Variants in COG5 observed in about 807,000 individuals in gnomAD.
The protein encoded by COG5 is component of oligomeric golgi complex 5.
COG5 carries 86 observed loss-of-function variants against 110.4 expected under a neutral mutation model. The ratio of observed to expected loss-of-function variants is 0.78; its 90% CI spans 0.65 to 0.93. The LOEUF is 0.93. Ranked by LOEUF, COG5 falls within the 40% of genes least tolerant of loss-of-function variation. The pLI is 0.00. For synonymous variants in COG5, 360 were observed against 334.6 expected (o/e 1.08, Z -0.83); for missense variants, 1,077 against 987.0 (o/e 1.09, Z -1.22).
chr7:107,557,630 G>A (rs1803418454), intron 2 of COG5, among the ~76,000 whole-genome samples: 1 of 152,148 alleles, frequency 6.6e-6, no homozygotes. Flanking sequence ...AATTGCGAAT[G>A]TAACATCCCA....
intron 19 of COG5, among the ~76,000 whole-genome samples, chr7:107,226,053 A>C (rs79902674): frequency 0.2 from 30,507 of 152,002 alleles, 3,395 homozygotes; most frequent in East Asian, 0.31. Flanking sequence ...CACACACACA[A>C]AAAAACAATA....
chr7:107,490,071 A>C (rs989927032), intron 6 of COG5, among the ~76,000 whole-genome samples: 1 of 152,182 alleles, frequency 6.6e-6, no homozygotes, highest in Non-Finnish European at 1.5e-5. Context: ...TATATGATGT[A>C]GTTATTTTTT....
intron 21 of COG5, chr7:107,209,758 C>G (rs1474734361): frequency 4.3e-6 from 4 of 938,850 alleles, no homozygotes; most frequent in Non-Finnish European, 5.1e-6. Context: ...CAGGGCCTAC[C>G]ATGCTGATAA....
chr7:107,358,662 C>T (rs945366671), intron 10 of COG5, among the ~76,000 whole-genome samples: 2 of 152,144 alleles, frequency 1.3e-5, no homozygotes, highest in African/African-American at 4.8e-5. Flanking sequence ...CTGTGACAAA[C>T]AATATGGTTT....
intron 6 of COG5, among the ~76,000 whole-genome samples, chr7:107,498,715 C>T (rs1798434671): frequency 6.6e-6 from 1 of 152,022 alleles, no homozygotes; most frequent in Admixed American, 6.6e-5. Context: ...ATTGTACAAC[C>T]CCTATAGAAA....
At chr7:107,443,400 G>C (rs1334106039) in intron 6 of COG5, among the ~76,000 whole-genome samples, 1 of 152,134 alleles carries the variant, frequency 6.6e-6, no homozygotes, top group Admixed American at 6.5e-5. Flanking sequence ...GTATGAAGTG[G>C]TTTCGGGGAA....
intron 17 of COG5, among the ~76,000 whole-genome samples, chr7:107,240,264 G>A (rs1324473178): frequency 6.6e-6 from 1 of 152,174 alleles, no homozygotes; most frequent in Non-Finnish European, 1.5e-5. Context: ...CAGGCTGGAT[G>A]GAGTGCAGTG....
intron 6 of COG5, among the ~76,000 whole-genome samples, chr7:107,490,116 G>A (rs1797895842): frequency 6.6e-6 from 1 of 152,114 alleles, no homozygotes; most frequent in Non-Finnish European, 1.5e-5. Context: ...GAATGATTAT[G>A]ATTTCTCACC....
intron 6 of COG5, among the ~76,000 whole-genome samples, chr7:107,518,995 C>A (rs1800139440): frequency 6.6e-6 from 1 of 152,158 alleles, no homozygotes; most frequent in Non-Finnish European, 1.5e-5. Context: ...GATTAAGAAA[C>A]TCACTCAAAA....
chr7:107,342,769 G>C (rs188840971), intron 10 of COG5, among the ~76,000 whole-genome samples: 1 of 152,224 alleles, frequency 6.6e-6, no homozygotes, highest in African/African-American at 2.4e-5. Context: ...GTTGCTTCTG[G>C]CAATGTAAAT....
rs372361831 is a variant in COG5 at position 107,335,601 on chromosome 7, G to T, written c.1027-11080C>A. Among the ~76,000 whole-genome samples the T allele has an allele frequency of 1.2e-4, 18 of 152,154 alleles. No individual in the cohort carries two copies. The East Asian group carries it at 2.5e-3, about 21-fold the overall frequency. ...AGAAATAAACAACAAAATGGCAGTA[G>T]TGAGTTCTTACTTATTAGTAATAAC... On this transcript the variant is annotated intron_variant, in intron 10 of 21. Transcript: ENST00000297135.
rs1812226401 is a variant in COG5, at chr7:107,352,311, GA to G, written c.1026+9721del. Among the ~76,000 whole-genome samples, 6 of 94,212 alleles carry G rather than the reference GA, an allele frequency of 6.4e-5. No individual in the cohort carries two copies. In the Admixed American group the frequency reaches 7.6e-4, roughly 12 times the overall value. The allele number at this position is 94,212 out of a possible 152,430, so 61.8% of individuals were successfully genotyped here. On this transcript the variant is annotated intron_variant, in intron 10 of 21. Transcript: ENST00000297135. ...ACATCACACTGTTGTGGGGTGGGGGGAGGGGGGAGGGATAGCATTAGGAGAT... is the reference window on the plus strand; with the variant it reads ...ACATCACACTGTTGTGGGGTGGGGGGGGGGGGAGGGATAGCATTAGGAGAT...
intron 7 of COG5, among the ~76,000 whole-genome samples, chr7:107,403,518 T>C (rs1791591057): frequency 6.6e-6 from 1 of 152,000 alleles, no homozygotes; most frequent in Non-Finnish European, 1.5e-5. Context: ...TACCTATTTC[T>C]CCTAATGGTA....
chr7:107,553,654 G>GA (rs1166956370), intron 3 of COG5, among the ~76,000 whole-genome samples: 2 of 151,942 alleles, frequency 1.3e-5, no homozygotes, highest in African/African-American at 4.8e-5. Context: ...AAGAGGGAAT[G>GA]AAAAATTCAT....
intron 6 of COG5, among the ~76,000 whole-genome samples, chr7:107,464,542 T>C (rs553678212): frequency 6.6e-6 from 1 of 152,290 alleles, no homozygotes; most frequent in African/African-American, 2.4e-5. Flanking sequence ...TCATATCCTC[T>C]AAACCAGCCC....
chr7:107,521,826 T>A (rs1800338688), intron 6 of COG5, among the ~76,000 whole-genome samples: 1 of 152,192 alleles, frequency 6.6e-6, no homozygotes, highest in African/African-American at 2.4e-5. Context: ...TAAAGACACA[T>A]GCACATGTAT....
chr7:107,461,040 T>A (rs1031655892), intron 6 of COG5, among the ~76,000 whole-genome samples: 2 of 152,098 alleles, frequency 1.3e-5, no homozygotes, highest in Non-Finnish European at 2.9e-5. Flanking sequence ...CTAACTCTGA[T>A]CTTACAAAAA....
At chr7:107,446,648 C>T (rs967516141) in intron 6 of COG5, among the ~76,000 whole-genome samples, 19 of 152,312 alleles carry the variant, frequency 1.2e-4, no homozygotes, top group African/African-American at 4.3e-4. Flanking sequence ...TCCCCACTCA[C>T]ACTGGGAAGT....
chr7:107,372,703 C>T lies in COG5; in HGVS notation c.727G>A (p.Asp243Asn). The T allele has an allele frequency of 6.2e-7, 1 of 1,613,464 alleles. No individual in the cohort carries two copies. The highest frequency in any genetic ancestry group is 8.5e-7 in the Non-Finnish European group (1 of 1,179,662). ...CCATCCACAACACTGGTAATAGTATCCTTCAAAGTTCCAAGATTATAGAAA... is the reference window on the plus strand; with the variant it reads ...CCATCCACAACACTGGTAATAGTATTCTTCAAAGTTCCAAGATTATAGAAA... ...QVFYNLGTLK[D>N]TITSVVDGYC... is the part of the protein sequence containing the mutation. The change falls in exon 8 of 22, where the codon GAT (aspartate) becomes AAT (asparagine). Residue 243 changes from aspartate to asparagine, a missense_variant. Coordinates refer to ENST00000297135, the MANE Select transcript of COG5 (RefSeq NM_006348.5).
Sources: allele counts gnomAD v4.1 joint callset (sites outside exome capture counted in the v4.1 genomes callset), GRCh38; gene constraint gnomAD v4.1.1; transcripts MANE v1.5; gene names NCBI Gene and HGNC (gene_info 2026-07-23, HGNC 2026-07-21).